GREB1: variants seen among roughly 807,000 people sequenced by gnomAD.
GREB1 encodes protein GREB1.
Under a neutral mutation model 200.7 loss-of-function variants are expected in GREB1, and 106 were observed. The ratio of observed to expected loss-of-function variants is 0.53; its 90% CI spans 0.45 to 0.62. The LOEUF is 0.62. GREB1 is among the 20% of genes least tolerant of loss of function. The pLI is 0.00. For missense variants in GREB1, 2,243 were observed against 2,556.8 expected (o/e 0.88, Z 2.65); for synonymous variants, 1,132 against 1,092.4 (o/e 1.04, Z -0.72).
intron 1 of GREB1, among the ~76,000 whole-genome samples, chr2:11,547,850 G>C (rs1675432321): frequency 6.6e-6 from 1 of 152,010 alleles, no homozygotes; most frequent in Admixed American, 6.6e-5. Context: ...TAGAATATGA[G>C]AATTTAGCTT....
chr2:11,562,423 C>T (rs1359168147), intron 2 of GREB1, 40 bp from the exon 3 acceptor site: 1 of 1,607,934 alleles, frequency 6.2e-7, no homozygotes, highest in Non-Finnish European at 8.5e-7. Flanking sequence ...TGAGGCCAGA[C>T]AGCAGCTGCC....
chr2:11,520,082 G>A (rs754652862), intron 1 of GREB1, among the ~76,000 whole-genome samples: 2 of 152,176 alleles, frequency 1.3e-5, no homozygotes, highest in Non-Finnish European at 2.9e-5. Context: ...AGGCTGCAGT[G>A]AGCCGTGATT....
At chr2:11,489,035 A>G (rs950458571) in intron 1 of GREB1, among the ~76,000 whole-genome samples, 1 of 152,160 alleles carries the variant, frequency 6.6e-6, no homozygotes, top group Non-Finnish European at 1.5e-5. Context: ...TGGCTGGCCC[A>G]TAGGAGGTAC....
chr2:11,484,131 A>G (rs2148389957), intron 1 of GREB1, among the ~76,000 whole-genome samples: 1 of 152,306 alleles, frequency 6.6e-6, no homozygotes, highest in African/African-American at 2.4e-5. Context: ...TTAAAGGCCA[A>G]TTAGAATTCC....
intron 31 of GREB1, 76 bp from the exon 32 acceptor site, chr2:11,638,595 G>T: frequency 7.4e-7 from 1 of 1,349,012 alleles, no homozygotes; most frequent in African/African-American, 1.5e-5. Context: ...GTATTTACTA[G>T]GTGCAAACCT....
At chr2:11,544,938 C>A (rs895916905) in intron 1 of GREB1, among the ~76,000 whole-genome samples, 3 of 152,078 alleles carry the variant, frequency 2.0e-5, no homozygotes, top group African/African-American at 7.2e-5. Flanking sequence ...CCTCAGCCTC[C>A]CGAGTAGTGA....
intron 1 of GREB1, among the ~76,000 whole-genome samples, chr2:11,515,219 T>G (rs1297857985): frequency 2.0e-5 from 3 of 151,720 alleles, no homozygotes; most frequent in Non-Finnish European, 2.9e-5. Flanking sequence ...TCATTCAGTC[T>G]TTCAGTAGGT....
intron 30 of GREB1, among the ~76,000 whole-genome samples, chr2:11,636,431 G>T (rs1054381884): frequency 1.3e-5 from 2 of 152,152 alleles, no homozygotes; most frequent in African/African-American, 4.8e-5. Context: ...TTGTATATTG[G>T]TTATGCATAA....
intron 1 of GREB1, among the ~76,000 whole-genome samples, chr2:11,507,440 T>C (rs1250116748): frequency 1.4e-5 from 2 of 147,376 alleles, no homozygotes; most frequent in Non-Finnish European, 3.0e-5. Context: ...AAAACAATAA[T>C]GGCAACATAA....
rs78966885 is a variant in GREB1, at chr2:11,495,546, C to G, written c.-159+13165C>G. ...AAAAAAAATAAGTTGGGGTCATGCA[C>G]TGTTCCAAGCACTTCACGTGTAACT... On this transcript the variant is annotated intron_variant, in intron 1 of 2. Coordinates refer to the GREB1 transcript ENST00000628795. Among the ~76,000 whole-genome samples the G allele has an allele frequency of 3.1e-3, 471 of 152,170 alleles. 7 individuals are homozygous for G. The highest frequency in any genetic ancestry group is 0.011 in the African/African-American group (456 of 41,510).
intron 8 of GREB1, 74 bp from the exon 9 acceptor site, chr2:11,585,688 C>T: frequency 1.3e-6 from 2 of 1,548,126 alleles, no homozygotes; most frequent in East Asian, 2.2e-5. Context: ...GATTTGCTGG[C>T]TGGCCTGATG....
chr2:11,564,845 T>G (rs1429751277), intron 3 of GREB1, among the ~76,000 whole-genome samples: 2 of 152,234 alleles, frequency 1.3e-5, no homozygotes, highest in African/African-American at 4.8e-5. Context: ...CAGTTCCACG[T>G]GGCTGGGGAG....
chr2:11,562,738 C>T lies in GREB1; in HGVS notation c.277+156C>T, dbSNP rs1382136858. ...GGTGTGAGCCATGCCCCTGGGCCCG[C>T]AGCAGGTGCTGGCCCGGCCTGCCCT... On this transcript the variant is annotated intron_variant, in intron 3 of 32. Transcript: ENST00000381486. 3.6e-5 allele frequency: 30 copies of T among 838,018 alleles called. 1 individual carries two copies. The Middle Eastern group carries it at 1.5e-3, about 43-fold the overall frequency. The allele number at this position is 838,018 out of a possible 1,614,324, so 51.9% of individuals were successfully genotyped here. A position where few individuals can be genotyped will look rare whatever the true frequency, so the allele number is the denominator to read the frequency against.
rs761075774 is a variant in GREB1, at chr2:11,566,559, C to T, written c.357C>T (p.Leu119=). ...TGGATGTCCCTGCGGGCTTTCTCCT[C>T]GTGGGGGTCAAGTCCCCCAGCCTGC... ...EPMDVPAGFL[L]VGVKSPSLPD... is the part of the protein sequence containing the mutation. Residue 119 remains leucine (L), a synonymous_variant, in exon 4 of 33, where the codon CTC becomes CTT. Coordinates refer to ENST00000381486, the MANE Select transcript of GREB1 (RefSeq NM_014668.4). 5.0e-6 allele frequency: 8 copies of T among 1,614,002 alleles called. No homozygotes were observed. Among genetic ancestry groups the T allele is most frequent in the South Asian group, 2.2e-5 (2 of 91,084 alleles).
intron 1 of GREB1, among the ~76,000 whole-genome samples, chr2:11,526,540 G>T (rs1005548112): frequency 2.0e-5 from 3 of 151,198 alleles, no homozygotes; most frequent in Non-Finnish European, 4.4e-5. Flanking sequence ...TTCTCTGGGG[G>T]CAAAAACTTT....
Position 11,580,139 on chromosome 2 carries a change from T to A in GREB1, c.773-565T>A, listed in dbSNP as rs1390016010. Among the ~76,000 whole-genome samples, 1 of 152,088 alleles carries A rather than the reference T, an allele frequency of 6.6e-6. No individual in the cohort carries two copies. The highest frequency in any genetic ancestry group is 6.5e-5 in the Admixed American group (1 of 15,274). On this transcript the variant is annotated intron_variant, in intron 6 of 32. Transcript: ENST00000381486. The surrounding 1 kb of genome is among the most constrained non-coding windows in gnomAD (Gnocchi z 4.5). ...CTTCTTCACTATCACGAGAACAGTA[T>A]GGGGGAAACCACCCCCATGATTCAA... is the stretch of plus-strand genomic sequence containing the variant.
At position 11,596,222 on chromosome 2, in the gene GREB1, G is replaced by A. The variant is rs560071589; in HGVS notation, c.1937G>A (p.Gly646Glu). The change falls in exon 13 of 33, where the codon GGG (glycine) becomes GAG (glutamate). Residue 646 changes from glycine to glutamate, a missense_variant. This residue lies in a region of GREB1 where 1,178 missense variants were observed against 1,387.4 expected (regional missense o/e 0.85). Coordinates refer to ENST00000381486, the MANE Select transcript of GREB1 (RefSeq NM_014668.4). ...AAAGCAGCATCCCTGGATGTCAGTG[G>A]GACACCGGTGTGCACAAGTGAGTGG... ...VTKAASLDVS[G>E]TPVCTSYNLE... is the part of the protein sequence containing the mutation. The A allele has an allele frequency of 3.1e-6, 5 of 1,613,804 alleles. No homozygotes were observed. In the East Asian group the frequency reaches 8.9e-5, roughly 29 times the overall value.
chr2:11,610,862 G>C lies in GREB1; in HGVS notation c.2841G>C (p.Gly947=). 6.2e-7 allele frequency: 1 copy of C among 1,613,300 alleles called. No homozygotes were observed. Among genetic ancestry groups the C allele is most frequent in the East Asian group, 2.2e-5 (1 of 44,884 alleles). The change falls in exon 18 of 33, where the codon GGG becomes GGC. Residue 947 remains glycine (G), a synonymous_variant. Coordinates refer to ENST00000381486, the MANE Select transcript of GREB1 (RefSeq NM_014668.4). ...NSPKQCPCGH[G]LMVLLRVPCS... ...CGAAGCAGTGCCCCTGCGGCCACGG[G>C]CTCATGGTCCTGCTGCGGGTGCCCT...
At position 11,587,741 on chromosome 2, in the gene GREB1, A is replaced by ACGCGCGCG. The variant is rs1553366381; in HGVS notation, c.1160-1002_1160-1001insGCGCGCGC. 2.9e-4 allele frequency: 229 copies of ACGCGCGCG among 788,362 alleles called. 17 individuals carry two copies. Among genetic ancestry groups the ACGCGCGCG allele is most frequent in the South Asian group, 2.3e-3 (52 of 22,648 alleles). 48.8% of individuals were successfully genotyped at this position (788,362 alleles called of 1,614,324 possible). ...CACACACACACACACACACACACAC[A>ACGCGCGCG]CGCCACCTTTGGGAGCTCAGCAGCC... On this transcript the variant is annotated intron_variant, in intron 9 of 32. Coordinates refer to ENST00000381486, the MANE Select transcript of GREB1 (RefSeq NM_014668.4).
Sources: allele counts gnomAD v4.1 joint callset (sites outside exome capture counted in the v4.1 genomes callset), GRCh38; gene constraint gnomAD v4.1.1; regional missense constraint gnomAD v4.1.1; non-coding constraint Gnocchi (gnomAD v3.1); transcripts MANE v1.5; gene names NCBI Gene and HGNC (gene_info 2026-07-23, HGNC 2026-07-21).